The following ANTXR2 variants were observed in gnomAD, a reference collection of about 807,000 sequenced individuals.
ANTXR2 encodes the protein anthrax toxin receptor 2.
In ANTXR2, 44 loss-of-function variants were observed where a neutral mutation model predicts 73.7. The observed-to-expected ratio is 0.60, with a 90% CI of 0.47 to 0.77. The LOEUF is 0.77. ANTXR2 is among the 30% of genes least tolerant of loss of function. The pLI is 0.00. For missense variants in ANTXR2, 604 were observed against 592.5 expected (o/e 1.02, Z -0.20); for synonymous variants, 217 against 205.9 (o/e 1.05, Z -0.46).
At chr4:79,924,012 T>C (rs897814807) in intron 16 of ANTXR2, among the ~76,000 whole-genome samples, 1 of 152,106 alleles carries the variant, frequency 6.6e-6, no homozygotes, top group African/African-American at 2.4e-5. Flanking sequence ...AATTGTAGAT[T>C]TGGGGAGTAC....
chr4:79,914,934 C>G (rs931073356), intron 16 of ANTXR2, among the ~76,000 whole-genome samples: 6 of 152,156 alleles, frequency 3.9e-5, no homozygotes, highest in African/African-American at 1.4e-4. Flanking sequence ...CACTTTTCTT[C>G]TGTATAAGAA....
intron 7 of ANTXR2, 97 bp from the exon 8 acceptor site, chr4:80,036,129 A>C: frequency 1.0e-6 from 1 of 968,412 alleles, no homozygotes; most frequent in Non-Finnish European, 1.5e-6. Flanking sequence ...GGTCTTCTCC[A>C]TACTTCAATA....
At chr4:80,002,057 T>G (rs1181899658) in intron 12 of ANTXR2, among the ~76,000 whole-genome samples, 1 of 152,124 alleles carries the variant, frequency 6.6e-6, no homozygotes, top group African/African-American at 2.4e-5. Context: ...TGGAAAAAAC[T>G]ACTTTAAAGT....
chr4:80,070,865 T>G (rs182584239), intron 2 of ANTXR2, among the ~76,000 whole-genome samples: 38 of 152,118 alleles, frequency 2.5e-4, no homozygotes, highest in Admixed American at 4.6e-4. Context: ...TTGCATTTTT[T>G]CTTTAAAAAA....
chr4:80,004,229 A>G (rs1040566832), intron 12 of ANTXR2, among the ~76,000 whole-genome samples: 11 of 152,028 alleles, frequency 7.2e-5, no homozygotes, highest in African/African-American at 2.6e-4. Flanking sequence ...AAAAAATAAA[A>G]TAAAAAAATA....
At chr4:80,005,576 T>A (rs1486180754) in intron 12 of ANTXR2, among the ~76,000 whole-genome samples, 4 of 152,106 alleles carry the variant, frequency 2.6e-5, no homozygotes, top group Admixed American at 6.6e-5. Flanking sequence ...TCAAGATCCT[T>A]TTCCACAAGG....
intron 3 of ANTXR2, among the ~76,000 whole-genome samples, chr4:80,067,476 T>C (rs984053565): frequency 1.3e-5 from 2 of 152,250 alleles, no homozygotes; most frequent in African/African-American, 4.8e-5. Context: ...AAGCCTGGCA[T>C]GATGCTAAGT....
At chr4:79,923,163 A>G (rs1055214344) in intron 16 of ANTXR2, among the ~76,000 whole-genome samples, 21 of 152,146 alleles carry the variant, frequency 1.4e-4, no homozygotes, top group African/African-American at 4.8e-4. Flanking sequence ...GTCAATAGCT[A>G]TCTAAAGCAT....
chr4:80,028,683 T>C (rs1468574734), intron 10 of ANTXR2, among the ~76,000 whole-genome samples: 2 of 152,180 alleles, frequency 1.3e-5, no homozygotes, highest in Non-Finnish European at 2.9e-5. Flanking sequence ...ATCTGAAACA[T>C]AGACTAACTA....
chr4:79,919,669 A>T (rs1160036154), intron 16 of ANTXR2, among the ~76,000 whole-genome samples: 1 of 151,708 alleles, frequency 6.6e-6, no homozygotes, highest in Non-Finnish European at 1.5e-5. Flanking sequence ...TTGACCACAG[A>T]CTAAGGCTGC....
intron 12 of ANTXR2, among the ~76,000 whole-genome samples, chr4:79,992,262 A>G (rs1283315660): frequency 4.0e-5 from 6 of 151,774 alleles, no homozygotes; most frequent in African/African-American, 1.5e-4. Flanking sequence ...TCCATTTTCC[A>G]TAGTGAAAGG....
chr4:79,920,427 A>G (rs999330869), intron 16 of ANTXR2, among the ~76,000 whole-genome samples: 1 of 152,134 alleles, frequency 6.6e-6, no homozygotes, highest in African/African-American at 2.4e-5. Context: ...ATGCAATGTA[A>G]AGTACATAGC....
At chr4:79,929,387 C>A (rs972461785) in intron 16 of ANTXR2, among the ~76,000 whole-genome samples, 1 of 152,090 alleles carries the variant, frequency 6.6e-6, no homozygotes, top group South Asian at 2.1e-4. Flanking sequence ...GTGGCAGATG[C>A]CTGTAATCCC....
chr4:79,999,403 T>C (rs1185663708), intron 12 of ANTXR2, among the ~76,000 whole-genome samples: 1 of 152,004 alleles, frequency 6.6e-6, no homozygotes, highest in Non-Finnish European at 1.5e-5. Flanking sequence ...CCTTCTGCCA[T>C]GATTGTAAGT....
intron 12 of ANTXR2, among the ~76,000 whole-genome samples, chr4:80,003,202 A>T (rs1731136707): frequency 1.3e-5 from 2 of 152,120 alleles, no homozygotes; most frequent in South Asian, 4.1e-4. Flanking sequence ...AAAATGTGGC[A>T]CATATACACC....
At chr4:80,026,178 G>GTGAA (rs1732428932) in intron 10 of ANTXR2, among the ~76,000 whole-genome samples, 1 of 152,118 alleles carries the variant, frequency 6.6e-6, no homozygotes, top group Admixed American at 6.6e-5. Flanking sequence ...CTGATAAGAG[G>GTGAA]TGAATGGGTT....
At position 80,029,207 on chromosome 4, in the gene ANTXR2, G is replaced by T. The variant is rs112724629; in HGVS notation, c.866+2416C>A. On this transcript the variant is annotated intron_variant, in intron 10 of 16. Transcript: ENST00000403729. ...GGTATTCTCTTCTAAAGAAGACTGT[G>T]CCCAAAGGCAAATTCTAGAGAAAAC... 7.3e-3 allele frequency among the ~76,000 whole-genome samples: 1,114 copies of T among 152,244 alleles called. 11 individuals carry two copies. Among genetic ancestry groups the T allele is most frequent in the African/African-American group, 0.025 (1,045 of 41,564 alleles).
At chr4:80,048,985 C>T (rs1466446824) in intron 7 of ANTXR2, among the ~76,000 whole-genome samples, 1 of 151,600 alleles carries the variant, frequency 6.6e-6, no homozygotes, top group Non-Finnish European at 1.5e-5. Flanking sequence ...GTATACTTTC[C>T]CATTAAAAAC....
chr4:80,017,561 T>C (rs1046618452), intron 11 of ANTXR2, among the ~76,000 whole-genome samples: 1 of 152,108 alleles, frequency 6.6e-6, no homozygotes, highest in Admixed American at 6.5e-5. Context: ...ACATGAGTCA[T>C]TTAGCCTCAG....
Sources: allele counts gnomAD v4.1 joint callset (sites outside exome capture counted in the v4.1 genomes callset), GRCh38; gene constraint gnomAD v4.1.1; transcripts MANE v1.5; gene names NCBI Gene and HGNC (gene_info 2026-07-23, HGNC 2026-07-21).